Variants in VPS35 observed in about 807,000 individuals in gnomAD.
The protein encoded by VPS35 is VPS35 retromer complex component.
A neutral mutation model predicts 98.1 loss-of-function variants in VPS35; 21 were observed. The observed-to-expected ratio is 0.21, with a 90% CI of 0.15 to 0.31. The LOEUF (loss-of-function observed/expected upper bound fraction) is 0.31. VPS35 is among the 10% of genes least tolerant of loss of function. The pLI is 1.00. For synonymous variants in VPS35, 268 were observed against 318.2 expected (o/e 0.84, Z 1.68); for missense variants, 554 against 950.8 (o/e 0.58, Z 5.49).
Position 46,663,862 on chromosome 16 carries a change from A to ATTTTTTTTTTTTTTTT in VPS35, c.1648-716_1648-701dup, listed in dbSNP as rs546485076. On this transcript the variant is annotated intron_variant, in intron 13 of 16. Coordinates refer to ENST00000299138, the MANE Select transcript of VPS35 (RefSeq NM_018206.6). ...AGGCTTGCATCACCACACCTGGCTA[A>ATTTTTTTTTTTTTTTT]TTTTTTTTTTTTTTTTTTTTTTTTT... 3.3e-3 allele frequency among the ~76,000 whole-genome samples: 95 copies of ATTTTTTTTTTTTTTTT among 28,686 alleles called. 27 individuals are homozygous for ATTTTTTTTTTTTTTTT. Among genetic ancestry groups the ATTTTTTTTTTTTTTTT allele is most frequent in the Non-Finnish European group, 4.1e-3 (69 of 16,858 alleles). 18.8% of individuals were successfully genotyped at this position (28,686 alleles called of 152,430 possible). A position where few individuals can be genotyped will look rare whatever the true frequency, so the allele number is the denominator to read the frequency against.
At chr16:46,674,763 G>T (rs1457812914) in intron 8 of VPS35, 103 bp from the exon 9 acceptor site, 3 of 1,101,920 alleles carry the variant, frequency 2.7e-6, no homozygotes, top group African/African-American at 3.2e-5. Context: ...TATTTTGTAT[G>T]AGCCCAAAAG....
In VPS35 at chr16:46,660,665, T is replaced by C; in HGVS notation, c.2212-14A>G. ...CTGAATTGTTACCTACAAAAGAATA[T>C]GTACAAATTCATGATCAAGCACGTA... is the stretch of plus-strand genomic sequence containing the variant. On this transcript the variant is annotated splice_polypyrimidine_tract_variant and intron_variant, in intron 16 of 16. Coordinates refer to ENST00000299138, the MANE Select transcript of VPS35 (RefSeq NM_018206.6). 1 of 1,611,690 alleles carries C rather than the reference T, an allele frequency of 6.2e-7. No homozygotes were observed. Among genetic ancestry groups the C allele is most frequent in the Non-Finnish European group, 8.5e-7 (1 of 1,179,062 alleles).
chr16:46,684,048 G>A (rs1966276683), intron 1 of VPS35, among the ~76,000 whole-genome samples: 1 of 152,122 alleles, frequency 6.6e-6, no homozygotes, highest in Non-Finnish European at 1.5e-5. Flanking sequence ...ATTAACAGCT[G>A]CTGCACACAG....
chr16:46,661,919 C>T lies in VPS35; in HGVS notation c.2068-58G>A. ...ATTAATGAAACATCTCGTTTTCATA[C>T]AAAGAAACACAACACTACCGTGGCT... On this transcript the variant is annotated intron_variant, in intron 15 of 16. Coordinates refer to ENST00000299138, the MANE Select transcript of VPS35 (RefSeq NM_018206.6). The surrounding 1 kb of genome is among the most constrained non-coding windows in gnomAD (Gnocchi z 4.3). The T allele has an allele frequency of 6.8e-6, 11 of 1,607,448 alleles. No homozygotes were observed. Among genetic ancestry groups the T allele is most frequent in the Non-Finnish European group, 9.4e-6 (11 of 1,174,866 alleles).
intron 13 of VPS35, among the ~76,000 whole-genome samples, chr16:46,668,715 T>C (rs922515939): frequency 1.3e-5 from 2 of 152,210 alleles, no homozygotes; most frequent in Non-Finnish European, 2.9e-5. Context: ...TAAGTGCTTT[T>C]TACGTGATCC....
At chr16:46,679,270 A>G in intron 5 of VPS35, 114 bp from the exon 6 acceptor site, 1 of 1,005,008 alleles carries the variant, frequency 1.0e-6, no homozygotes, top group Non-Finnish European at 1.5e-6. Flanking sequence ...TTTATAAAAA[A>G]TCACTTTCAA....
chr16:46,677,966 G>A (rs920659315), intron 6 of VPS35, among the ~76,000 whole-genome samples: 2 of 152,186 alleles, frequency 1.3e-5, no homozygotes, highest in African/African-American at 4.8e-5. Flanking sequence ...GATGGGTCAA[G>A]GTTCAGGGTT....
chr16:46,688,991 C>T (rs1027790795), intron 1 of VPS35, 140 bp downstream of exon 1: 1 of 1,541,028 alleles, frequency 6.5e-7, no homozygotes, highest in Non-Finnish European at 8.8e-7. Context: ...TGTCCCCTAT[C>T]CCGCAGGCCA....
In VPS35 at chr16:46,673,801, T is replaced by C. The variant is rs144361872; in HGVS notation, c.1160+513A>G. Reference sequence around the variant, plus strand: ...TGGAAATAAATACTGCCTGACAAAGTTTCCTTACCAGTTTAAGAACAAACT... The same window carrying C: ...TGGAAATAAATACTGCCTGACAAAGCTTCCTTACCAGTTTAAGAACAAACT... On this transcript the variant is annotated intron_variant, in intron 10 of 16. Coordinates refer to ENST00000299138, the MANE Select transcript of VPS35 (RefSeq NM_018206.6). 526 of 155,874 alleles carry C rather than the reference T, an allele frequency of 3.4e-3. 7 individuals are homozygous for C. Among genetic ancestry groups the C allele is most frequent in the African/African-American group, 0.012 (515 of 41,578 alleles). 9.7% of individuals were successfully genotyped at this position (155,874 alleles called of 1,614,324 possible). A position where few individuals can be genotyped will look rare whatever the true frequency, so the allele number is the denominator to read the frequency against.
chr16:46,669,880 A>G (rs1284492204), intron 12 of VPS35, among the ~76,000 whole-genome samples: 1 of 152,214 alleles, frequency 6.6e-6, no homozygotes, highest in South Asian at 2.1e-4. Flanking sequence ...AGCACAAGGC[A>G]TAAGCTCAGT....
intron 5 of VPS35, 138 bp from the exon 6 acceptor site, chr16:46,679,294 G>C: frequency 1.2e-6 from 1 of 815,114 alleles, no homozygotes; most frequent in Non-Finnish European, 2.0e-6. Context: ...CATTGGCTTA[G>C]TGTTAAATTT....
At chr16:46,677,238 A>C in intron 7 of VPS35, 77 bp downstream of exon 7, 3 of 1,381,090 alleles carry the variant, frequency 2.2e-6, no homozygotes, top group Non-Finnish European at 3.1e-6. Flanking sequence ...CTATTCCATC[A>C]AAATTTTTTC....
chr16:46,667,552 A>G (rs540924469), intron 13 of VPS35, among the ~76,000 whole-genome samples: 5 of 152,106 alleles, frequency 3.3e-5, no homozygotes, highest in African/African-American at 1.2e-4. Context: ...GCTTATTTTT[A>G]AACTTATTTT....
chr16:46,669,353 G>A (rs1966035214), intron 12 of VPS35: 3 of 385,010 alleles, frequency 7.8e-6, no homozygotes, highest in Non-Finnish European at 1.5e-5. Context: ...CATGTGCAAA[G>A]TATGCTGCAC....
At chr16:46,687,414 C>A (rs1210292014) in intron 1 of VPS35, among the ~76,000 whole-genome samples, 5 of 152,180 alleles carry the variant, frequency 3.3e-5, no homozygotes, top group Non-Finnish European at 2.9e-5. Context: ...GCACACTGAA[C>A]GTTTTGGCTT....
Position 46,683,707 on chromosome 16 carries a change from T to C in VPS35, c.4-101A>G, listed in dbSNP as rs1309439503. On this transcript the variant is annotated intron_variant, in intron 1 of 16. Coordinates refer to ENST00000299138, the MANE Select transcript of VPS35 (RefSeq NM_018206.6). ...TAGTCCTTCTCCAACAATGTCCAGC[T>C]CTATACCTCAAACCCATTTACCAAA... 2.4e-6 allele frequency: 3 copies of C among 1,238,138 alleles called. No homozygotes were observed. The African/African-American group carries it at 4.5e-5, about 18-fold the overall frequency. The allele number at this position is 1,238,138 out of a possible 1,614,324, so 76.7% of individuals were successfully genotyped here.
chr16:46,665,843 C>T (rs995045962), intron 13 of VPS35, among the ~76,000 whole-genome samples: 47 of 151,768 alleles, frequency 3.1e-4, no homozygotes, highest in African/African-American at 5.8e-4. Flanking sequence ...CAGGCTGGAG[C>T]GCAAAAGCAC....
rs1312434737 is a variant in VPS35 at position 46,659,190 on chromosome 16, A to G, written c.*1282T>C. 1.3e-5 allele frequency: 2 copies of G among 151,922 alleles called. No homozygotes were observed. The highest frequency in any genetic ancestry group is 6.6e-5 in the Admixed American group (1 of 15,220). 9.4% of individuals were successfully genotyped at this position (151,922 alleles called of 1,614,324 possible). On this transcript the variant is annotated 3_prime_UTR_variant, in exon 17 of 17. Transcript: ENST00000299138. ...AGGAACTGGGGCCTCTGCCCTCAAGAAGAGGAACTGGGGCCTCTGCCTAAC... is the reference window on the plus strand; with the variant it reads ...AGGAACTGGGGCCTCTGCCCTCAAGGAGAGGAACTGGGGCCTCTGCCTAAC...
intron 12 of VPS35, chr16:46,669,261 C>T: frequency 3.2e-6 from 2 of 626,070 alleles, no homozygotes; most frequent in Non-Finnish European, 5.5e-6. Flanking sequence ...AATGGGGAAG[C>T]CTGAGTTTCA....
Sources: allele counts gnomAD v4.1 joint callset (sites outside exome capture counted in the v4.1 genomes callset), GRCh38; gene constraint gnomAD v4.1.1; non-coding constraint Gnocchi (gnomAD v3.1); transcripts MANE v1.5; gene names NCBI Gene and HGNC (gene_info 2026-07-23, HGNC 2026-07-21).